TRPV1: variants seen among roughly 807,000 people sequenced by gnomAD.
TRPV1 encodes the protein transient receptor potential cation channel subfamily V member 1.
Under a neutral mutation model 82.3 loss-of-function variants are expected in TRPV1, and 82 were observed. The observed-to-expected ratio is 1.00, with a 90% CI of 0.83 to 1.20. The LOEUF is 1.20. Among genes scored for constraint, TRPV1 ranks in the 50% most tolerant of loss-of-function variants. TRPV1 has a pLI of 0.00. For synonymous variants in TRPV1, 515 were observed against 467.7 expected (o/e 1.10, Z -1.30); for missense variants, 1,067 against 1,096.8 (o/e 0.97, Z 0.38).
intron 11 of TRPV1, among the ~76,000 whole-genome samples, chr17:3,579,751 C>T (rs2074981067): frequency 6.6e-6 from 1 of 152,202 alleles, no homozygotes; most frequent in Admixed American, 6.5e-5. Flanking sequence ...GCTGGGATTA[C>T]AGGCGTGAGC....
chr17:3,579,860 C>A (rs1047657949), intron 11 of TRPV1, among the ~76,000 whole-genome samples: 5 of 152,196 alleles, frequency 3.3e-5, no homozygotes, highest in African/African-American at 1.2e-4. Context: ...TCCGGCACCA[C>A]CCCCCAAAAC....
chr17:3,571,778 T>G lies in TRPV1; in HGVS notation c.2232-139A>C. The stretch of plus-strand genomic sequence containing the variant: ...GTCGGGGAGGGCAGAGAGGACTTGA[T>G]TTTTGGACACCATCCTCAAAGATGT... On this transcript the variant is annotated intron_variant, in intron 15 of 16. Coordinates refer to ENST00000572705, the MANE Select transcript of TRPV1 (RefSeq NM_080704.4). 4.5e-6 allele frequency: 3 copies of G among 667,814 alleles called. No individual in the cohort carries two copies. The South Asian group carries it at 5.6e-5, about 12-fold the overall frequency. The allele number at this position is 667,814 out of a possible 1,614,324, so 41.4% of individuals were successfully genotyped here.
In TRPV1 at chr17:3,588,247, C is replaced by G. The variant is rs760653614; in HGVS notation, c.1165G>C (p.Asp389His). The G allele has an allele frequency of 4.4e-6, 7 of 1,581,460 alleles. No homozygotes were observed. In the East Asian group the frequency reaches 1.6e-4, roughly 37 times the overall value. The change falls in exon 8 of 17, where the codon GAC becomes CAC. Residue 389 changes from aspartate to histidine, a missense_variant. Asp to His is a moderately conservative substitution (Grantham distance 81, BLOSUM62 -1). Transcript: ENST00000572705. ...HSSLYDLSCI[D>H]TCEKNSVLEV... ...AGCACCGAGTTCTTCTCGCAGGTGT[C>G]GATGCAGGACAGGTCGTACAGCGAG...
chr17:3,598,735 T>G (rs2075240509), intron 2 of TRPV1, among the ~76,000 whole-genome samples: 1 of 151,238 alleles, frequency 6.6e-6, no homozygotes, highest in African/African-American at 2.4e-5. Flanking sequence ...CTGGCTAATT[T>G]TTGTGTTTTC....
intron 2 of TRPV1, among the ~76,000 whole-genome samples, chr17:3,593,633 G>A (rs1482639988): frequency 1.3e-5 from 2 of 152,040 alleles, no homozygotes; most frequent in African/African-American, 2.4e-5. Flanking sequence ...CACTGATGCC[G>A]CCTCCTCCAT....
chr17:3,567,945 A>G (rs16953163), intron 16 of TRPV1, among the ~76,000 whole-genome samples: 25,527 of 152,144 alleles, frequency 0.17, 2,842 homozygotes, highest in East Asian at 0.47. Context: ...TGTCATGCAA[A>G]CATAATACAA....
rs768953121 is a variant in TRPV1 at position 3,590,333 on chromosome 17, C to G, written c.664G>C (p.Val222Leu). The change falls in exon 6 of 17, where the codon GTG becomes CTG. Residue 222 changes from valine (V) to leucine (L), a missense_variant. By Grantham distance (32) the Val-to-Leu change is conservative. Coordinates refer to ENST00000572705, the MANE Select transcript of TRPV1 (RefSeq NM_080704.4). ...RRNMALVTLL[V>L]ENGADVQAAA... ...GCCTGGACGTCTGCTCCGTTCTCCA[C>G]CAGGAGGGTCACCAGGGCCATGTTG... The G allele has an allele frequency of 1.9e-6, 3 of 1,613,998 alleles. No individual in the cohort carries two copies. The highest frequency in any genetic ancestry group is 2.5e-6 in the Non-Finnish European group (3 of 1,179,892).
At chr17:3,594,158 AGCAGC>A (rs2075196607) in intron 2 of TRPV1, among the ~76,000 whole-genome samples, 1 of 116,256 alleles carries the variant, frequency 8.6e-6, no homozygotes, top group African/African-American at 7.2e-5. Flanking sequence ...AAAAAGAAGC[AGCAGC>A]AGCAGCAGCA....
At chr17:3,609,149 G>A (rs1567679462) in intron 1 of TRPV1, 160 bp downstream of exon 1, 1 of 152,242 alleles carries the variant, frequency 6.6e-6, no homozygotes, top group South Asian at 2.1e-4. Flanking sequence ...GCTTCCCAAA[G>A]TGCTGGGATT....
chr17:3,576,860 A>G (rs1363151151), intron 13 of TRPV1, among the ~76,000 whole-genome samples: 2 of 149,896 alleles, frequency 1.3e-5, no homozygotes, highest in African/African-American at 4.9e-5. Flanking sequence ...AAAAAAAAAA[A>G]AAAAAAAAAA....
intron 16 of TRPV1, among the ~76,000 whole-genome samples, chr17:3,569,017 A>G (rs1438338731): frequency 6.6e-6 from 1 of 152,130 alleles, no homozygotes; most frequent in African/African-American, 2.4e-5. Context: ...TATTGCAAGG[A>G]CAAAAAACGA....
At chr17:3,591,938 C>T (rs2075163214) in intron 3 of TRPV1, 129 bp downstream of exon 3, 1 of 1,346,130 alleles carries the variant, frequency 7.4e-7, no homozygotes, top group South Asian at 1.5e-5. Context: ...GGACGCTGGA[C>T]CAGACCACCC....
intron 14 of TRPV1, 102 bp downstream of exon 14, chr17:3,573,531 C>CGGGGGGGGGGGGGGGGG: frequency 1.3e-4 from 1 of 7,666 alleles, no homozygotes; most frequent in East Asian, 5.7e-3. Flanking sequence ...GGCCACACAC[C>CGGGGGGGGGGGGGGGGG]GCCCCCACCA....
At position 3,566,973 on chromosome 17, in the gene TRPV1, A is replaced by T; in HGVS notation, c.2362T>A (p.Trp788Arg). The T allele has an allele frequency of 6.2e-7, 1 of 1,613,888 alleles. No individual in the cohort carries two copies. The highest frequency in any genetic ancestry group is 1.1e-5 in the South Asian group (1 of 91,072). ...AGGGGGACCAGGGCAAAGTTCTTCCAGTGTCTGCCTGAAACTGAAGGGTAA... is the reference window on the plus strand; with the variant it reads ...AGGGGGACCAGGGCAAAGTTCTTCCTGTGTCTGCCTGAAACTGAAGGGTAA... The part of the protein sequence containing the change: ...LRSSRVSGRH[W>R]KNFALVPLLR... Residue 788 changes from tryptophan (W) to arginine (R), a missense_variant, in exon 17 of 17, where the codon TGG becomes AGG. By Grantham distance (101) the Trp-to-Arg change is moderately radical (BLOSUM62 -3). Transcript: ENST00000572705.
chr17:3,575,883 A>G (rs998070724), intron 13 of TRPV1, among the ~76,000 whole-genome samples: 1 of 152,130 alleles, frequency 6.6e-6, no homozygotes, highest in African/African-American at 2.4e-5. Context: ...ACTCATTACA[A>G]ATTCTGAGGT....
At chr17:3,596,762 C>T (rs1216759697) in intron 2 of TRPV1, among the ~76,000 whole-genome samples, 3 of 152,260 alleles carry the variant, frequency 2.0e-5, no homozygotes, top group Non-Finnish European at 4.4e-5. Flanking sequence ...CTTACTACCC[C>T]CCGTTTTCAG....
At chr17:3,573,190 C>A (rs1412762685) in intron 14 of TRPV1, among the ~76,000 whole-genome samples, 2 of 152,152 alleles carry the variant, frequency 1.3e-5, no homozygotes, top group African/African-American at 2.4e-5. Flanking sequence ...TGTCAGGGCC[C>A]TGCCTCATGG....
rs1265807189 is a variant in TRPV1 at position 3,565,788 on chromosome 17, G to C, written c.*1027C>G. 6.6e-6 allele frequency: 1 copy of C among 152,284 alleles called. No individual in the cohort carries two copies. The highest frequency in any genetic ancestry group is 1.5e-5 in the Non-Finnish European group (1 of 68,070). 9.4% of individuals were successfully genotyped at this position (152,284 alleles called of 1,614,324 possible). A position where few individuals can be genotyped will look rare whatever the true frequency, so the allele number is the denominator to read the frequency against. On this transcript the variant is annotated 3_prime_UTR_variant, in exon 17 of 17. Transcript: ENST00000572705. ...GTAAGAGGAGCAAGCACGGCACAGA[G>C]AGGAAGGGCCTCTGCATTTTCCATC...
At chr17:3,588,150 G>A (rs943565814) in intron 8 of TRPV1, 38 bp downstream of exon 8, 1 of 1,539,346 alleles carries the variant, frequency 6.5e-7, no homozygotes, top group South Asian at 1.2e-5. Flanking sequence ...GGGTGCAGAG[G>A]CCCTGAGGCC....
Sources: allele counts gnomAD v4.1 joint callset (sites outside exome capture counted in the v4.1 genomes callset), GRCh38; gene constraint gnomAD v4.1.1; transcripts MANE v1.5; gene names NCBI Gene and HGNC (gene_info 2026-07-23, HGNC 2026-07-21).